The following HAUS1 variants were observed in gnomAD, a reference collection of about 807,000 sequenced individuals.
The protein encoded by HAUS1 is HAUS augmin-like complex subunit 1.
HAUS1 carries 25 observed loss-of-function variants against 38.6 expected under a neutral mutation model. That is an observed-to-expected ratio of 0.65 (90% CI 0.47 to 0.91). The LOEUF (loss-of-function observed/expected upper bound fraction) is 0.91. Ranked by LOEUF, HAUS1 falls within the 40% of genes least tolerant of loss-of-function variation. The probability of loss-of-function intolerance (pLI) is 0.00; values close to 1 mark genes in which losing one functional copy is unlikely to be tolerated. For synonymous variants in HAUS1, 109 were observed against 112.9 expected (o/e 0.97, Z 0.22); for missense variants, 325 against 328.4 (o/e 0.99, Z 0.08).
chr18:46,127,401 C>T (rs549525244), intron 8 of HAUS1, among the ~76,000 whole-genome samples: 20 of 151,476 alleles, frequency 1.3e-4, no homozygotes, highest in African/African-American at 4.6e-4. Context: ...GTAATGAGGA[C>T]AGTGGCAATG....
intron 3 of HAUS1, 139 bp from the exon 4 acceptor site, chr18:46,119,787 G>A (rs2144260176): frequency 1.5e-6 from 1 of 648,060 alleles, no homozygotes; most frequent in South Asian, 3.3e-5. Context: ...AATGGGAACA[G>A]TGTGTAAAAA....
intron 2 of HAUS1, among the ~76,000 whole-genome samples, chr18:46,105,604 G>A (rs1231049670): frequency 2.1e-5 from 3 of 144,678 alleles, no homozygotes; most frequent in Non-Finnish European, 4.5e-5. Flanking sequence ...ATATATTTTA[G>A]ACAATCTTGC....
intron 2 of HAUS1, among the ~76,000 whole-genome samples, chr18:46,116,057 G>C (rs1285787511): frequency 1.3e-5 from 2 of 150,858 alleles, no homozygotes; most frequent in Non-Finnish European, 3.0e-5. Flanking sequence ...AGTGAACCGA[G>C]ATCGTGCCAC....
intron 5 of HAUS1, chr18:46,123,067 C>G (rs955067040): frequency 4.7e-6 from 2 of 421,214 alleles, no homozygotes; most frequent in Non-Finnish European, 8.6e-6. Flanking sequence ...AAAAATTAGC[C>G]GGGCGTGGTG....
chr18:46,121,476 T>C (rs931052626), intron 4 of HAUS1: 2 of 152,012 alleles, frequency 1.3e-5, no homozygotes, highest in African/African-American at 4.8e-5. Context: ...GCTTCAGATA[T>C]GTTAAATTAT....
At chr18:46,120,109 T>C (rs1911897871) in intron 4 of HAUS1, 49 bp downstream of exon 4, 2 of 1,316,926 alleles carry the variant, frequency 1.5e-6, no homozygotes, top group Non-Finnish European at 1.0e-6. Flanking sequence ...AAGGGAGTAA[T>C]AGGACATTGT....
chr18:46,120,688 C>T lies in HAUS1; in HGVS notation c.476+628C>T, dbSNP rs564547335. 3.7e-3 allele frequency among the ~76,000 whole-genome samples: 563 copies of T among 151,834 alleles called. 5 individuals are homozygous for T. The highest frequency in any genetic ancestry group is 0.012 in the African/African-American group (511 of 41,402). ...GCAACCTCCACTTCCCGGGTTCAAG[C>T]GAGTTTCCTGCCTCAGCCTCCCCAG... On this transcript the variant is annotated intron_variant, in intron 4 of 8. Transcript: ENST00000282058.
chr18:46,108,004 G>A (rs932206915), intron 2 of HAUS1, among the ~76,000 whole-genome samples: 2 of 152,098 alleles, frequency 1.3e-5, no homozygotes, highest in Non-Finnish European at 2.9e-5. Context: ...GTGCCTGGCT[G>A]TGTGGAGATT....
Position 46,128,077 on chromosome 18 carries a change from T to C in HAUS1, c.789T>C (p.Asp263=), listed in dbSNP as rs1417415928. ...ATGGTATGTCTTTCTTCCTGTAGGA[T>C]AGCATTGAAGCTGAACTTACAAGAA... ...VKIEEAKREL[D]SIEAELTRRV... is the part of the protein sequence containing the mutation. The change falls in exon 9 of 9, where the codon GAT becomes GAC. Residue 263 remains aspartate (D), a splice_region_variant and synonymous_variant. Coordinates refer to ENST00000282058, the MANE Select transcript of HAUS1 (RefSeq NM_138443.4). The C allele has an allele frequency of 2.5e-6, 4 of 1,573,052 alleles. No homozygotes were observed. Among genetic ancestry groups the C allele is most frequent in the East Asian group, 2.3e-5 (1 of 43,752 alleles).
chr18:46,104,748 C>T (rs1911409277), intron 1 of HAUS1, among the ~76,000 whole-genome samples: 1 of 147,126 alleles, frequency 6.8e-6, no homozygotes, highest in Non-Finnish European at 1.5e-5. Flanking sequence ...CGCTGCTCAG[C>T]CCGGCGGCTT....
At chr18:46,127,549 C>CA (rs969768336) in intron 8 of HAUS1, among the ~76,000 whole-genome samples, 1 of 151,190 alleles carries the variant, frequency 6.6e-6, no homozygotes, top group Non-Finnish European at 1.5e-5. Context: ...ACTAAAAATA[C>CA]AAAAAAAATT....
Position 46,119,955 on chromosome 18 carries a change from C to T in HAUS1, c.371C>T (p.Ser124Phe). 1 of 1,607,134 alleles carries T rather than the reference C, an allele frequency of 6.2e-7. No individual in the cohort carries two copies. Residue 124 changes from serine to phenylalanine, a missense_variant, in exon 4 of 9, where the codon TCT (serine) becomes TTT (phenylalanine). Physicochemically the swap from Ser to Phe is radical, Grantham distance 155. Coordinates refer to ENST00000282058, the MANE Select transcript of HAUS1 (RefSeq NM_138443.4). The stretch of plus-strand genomic sequence containing the variant: ...ATCCCTGCAGTGAATGATTTGACCT[C>T]TGATCTCTTTCGTACCAAATCCAAA... ...SFIPAVNDLT[S>F]DLFRTKSKSE... is the part of the protein sequence containing the mutation.
intron 2 of HAUS1, among the ~76,000 whole-genome samples, chr18:46,113,610 T>C (rs1911729897): frequency 6.6e-6 from 1 of 152,194 alleles, no homozygotes; most frequent in Non-Finnish European, 1.5e-5. Flanking sequence ...ACATGCTTAT[T>C]ATGGATATTT....
chr18:46,120,777 G>A (rs914038118), intron 4 of HAUS1, among the ~76,000 whole-genome samples: 6 of 151,706 alleles, frequency 4.0e-5, no homozygotes, highest in Non-Finnish European at 7.4e-5. Flanking sequence ...GTAGAGACAG[G>A]GTTTCACCAT....
chr18:46,118,348 T>C, intron 3 of HAUS1, 32 bp downstream of exon 3: 1 of 1,606,022 alleles, frequency 6.2e-7, no homozygotes, highest in Non-Finnish European at 8.5e-7. Context: ...ATTTCCGCAA[T>C]CATATCTGCT....
At chr18:46,111,784 CT>C (rs1911639998) in intron 2 of HAUS1, among the ~76,000 whole-genome samples, 1 of 151,342 alleles carries the variant, frequency 6.6e-6, no homozygotes, top group African/African-American at 2.4e-5. Flanking sequence ...ATTTTCACTT[CT>C]TTCTCTTTTC....
chr18:46,125,365 A>G (rs1304758379), intron 7 of HAUS1, among the ~76,000 whole-genome samples: 1 of 152,026 alleles, frequency 6.6e-6, no homozygotes, highest in Non-Finnish European at 1.5e-5. Flanking sequence ...CCTGACCAAC[A>G]TGGTGAAACC....
intron 8 of HAUS1, chr18:46,126,704 A>G (rs1275495282): frequency 6.6e-6 from 1 of 151,996 alleles, no homozygotes; most frequent in South Asian, 2.1e-4. Context: ...AGCTCACTGC[A>G]ACCTCCGCCT....
At chr18:46,113,267 G>C (rs1177517424) in intron 2 of HAUS1, among the ~76,000 whole-genome samples, 1 of 151,448 alleles carries the variant, frequency 6.6e-6, no homozygotes, top group Non-Finnish European at 1.5e-5. Context: ...AGTAAAGATA[G>C]GGTTTCACCA....
Sources: gnomAD v4.1 joint callset for allele counts (sites outside exome capture counted in the v4.1 genomes callset) on GRCh38, gnomAD v4.1.1 for gene constraint, MANE v1.5 for transcripts, NCBI Gene and HGNC (gene_info 2026-07-23, HGNC 2026-07-21) for gene names.